BBOF1: variants seen among roughly 807,000 people sequenced by gnomAD.
The protein encoded by BBOF1 is basal body orientation factor 1, also known as basal body-orientation factor 1.
In BBOF1, 62 loss-of-function variants were observed where a neutral mutation model predicts 68.0. The ratio of observed to expected loss-of-function variants is 0.91; its 90% CI spans 0.74 to 1.13. The LOEUF is 1.13. Ranked by LOEUF, BBOF1 falls within the 50% of genes most tolerant of loss-of-function variation. The probability of loss-of-function intolerance (pLI) is 0.00; values close to 1 mark genes in which losing one functional copy is unlikely to be tolerated. For synonymous variants in BBOF1, 208 were observed against 198.8 expected (o/e 1.05, Z -0.39); for missense variants, 534 against 600.1 (o/e 0.89, Z 1.15).
intron 11 of BBOF1, chr14:74,057,584 C>T (rs1343588856): frequency 9.8e-6 from 13 of 1,329,324 alleles, no homozygotes; most frequent in Non-Finnish European, 1.3e-5. Flanking sequence ...CTTTCCATCA[C>T]AGGTGGGAAG....
intron 9 of BBOF1, among the ~76,000 whole-genome samples, chr14:74,077,453 A>C (rs543693753): frequency 2.0e-5 from 3 of 152,316 alleles, no homozygotes; most frequent in Admixed American, 6.5e-5. Flanking sequence ...GGGAAGTTCA[A>C]GGGAATGGCT....
chr14:74,037,529 G>A (rs532291682), intron 4 of BBOF1, among the ~76,000 whole-genome samples: 337 of 148,356 alleles, frequency 2.3e-3, no homozygotes, highest in African/African-American at 5.9e-3. Flanking sequence ...GGCTCAAGCA[G>A]TCTGCCTGCC....
At chr14:74,021,717 C>G (rs1414694977) in intron 1 of BBOF1, among the ~76,000 whole-genome samples, 1 of 152,090 alleles carries the variant, frequency 6.6e-6, no homozygotes, top group Non-Finnish European at 1.5e-5. Flanking sequence ...ACCATCCTGG[C>G]TAACACGGTG....
chr14:74,066,594 A>C, downstream of BBOF1: 7 of 1,114,424 alleles, frequency 6.3e-6, no homozygotes, highest in Non-Finnish European at 9.4e-6. Context: ...AATCCTGGCA[A>C]GAGATAAGGT....
At chr14:74,064,428 A>T (rs2060424802) in intron 11 of BBOF1, among the ~76,000 whole-genome samples, 1 of 152,174 alleles carries the variant, frequency 6.6e-6, no homozygotes, top group Non-Finnish European at 1.5e-5. Context: ...CTGGGGTCAC[A>T]CTACCCAGCA....
chr14:74,046,177 T>C, intron 6 of BBOF1, 47 bp downstream of exon 6: 1 of 1,461,116 alleles, frequency 6.8e-7, no homozygotes, highest in Non-Finnish European at 9.3e-7. Context: ...CTCTCTTACC[T>C]CTTTGCTGGT....
chr14:74,066,828 G>A, downstream of BBOF1: 1 of 1,614,054 alleles, frequency 6.2e-7, no homozygotes, highest in Non-Finnish European at 8.5e-7. Flanking sequence ...TCAGATTACA[G>A]ACTCGCTCTT....
intron 2 of BBOF1, among the ~76,000 whole-genome samples, chr14:74,025,116 G>C (rs1244918735): frequency 6.6e-6 from 1 of 152,004 alleles, no homozygotes; most frequent in African/African-American, 2.4e-5. Flanking sequence ...TTATTAAATT[G>C]CCCTCTATAA....
chr14:74,058,068 C>A, intron 11 of BBOF1: 1 of 286,888 alleles, frequency 3.5e-6, no homozygotes, highest in Non-Finnish European at 5.2e-6. Flanking sequence ...TGGTTCACGC[C>A]TGTAATCCCA....
chr14:74,051,728 A>T (rs1415093818), intron 8 of BBOF1, among the ~76,000 whole-genome samples: 1 of 151,644 alleles, frequency 6.6e-6, no homozygotes, highest in Admixed American at 6.6e-5. Flanking sequence ...TCTGAAAGAA[A>T]ATTATTTTAT....
At chr14:74,047,462 G>A (rs1438901099) in intron 6 of BBOF1, among the ~76,000 whole-genome samples, 3 of 148,484 alleles carry the variant, frequency 2.0e-5, no homozygotes, top group Admixed American at 1.3e-4. Context: ...ACAGGGTCTC[G>A]CTCTGTCACC....
At chr14:74,047,272 G>C (rs1447722520) in intron 6 of BBOF1, among the ~76,000 whole-genome samples, 9 of 152,038 alleles carry the variant, frequency 5.9e-5, no homozygotes, top group Non-Finnish European at 1.2e-4. Context: ...GGATGATTCA[G>C]GAACCTGGCT....
rs1172191738 is a variant in BBOF1, at chr14:74,074,133, C to T, written n.1380-4063C>T. ...CCAGGCAGCTGGGACCATAGGTACG[C>T]ACCACCACGCCTGGCTAATTTTTTG... On this transcript the variant is annotated intron_variant and non_coding_transcript_variant, in intron 9 of 12. Transcript: ENST00000492026. 3.3e-5 allele frequency among the ~76,000 whole-genome samples: 5 copies of T among 151,444 alleles called. No homozygotes were observed. In the South Asian group the frequency reaches 6.3e-4, roughly 19 times the overall value.
Position 74,065,216 on chromosome 14 carries a change from C to A in BBOF1, c.*517C>A. ...TCCACCAAGTGGGCATATTTCCGAG[C>A]AGTGGCTCCATTGGTGGTGAAGATG... On this transcript the variant is annotated 3_prime_UTR_variant, in exon 12 of 12. Transcript: ENST00000394009. 1 of 1,614,162 alleles carries A rather than the reference C, an allele frequency of 6.2e-7. No individual in the cohort carries two copies.
chr14:74,064,784 CTTAAAGGAAA>C lies in BBOF1; in HGVS notation c.*86_*95del, dbSNP rs2060432309. 1.9e-6 allele frequency: 3 copies of C among 1,612,322 alleles called. No homozygotes were observed. The highest frequency in any genetic ancestry group is 4.5e-5 in the East Asian group (2 of 44,876). The stretch of plus-strand genomic sequence containing the variant: ...CTCCTGAATATCTTTAAGAAAATTT[CTTAAAGGAAA>C]AGACAAAAAATTTAACTCAAAAGTT... On this transcript the variant is annotated 3_prime_UTR_variant, in exon 12 of 12. Coordinates refer to ENST00000394009, the MANE Select transcript of BBOF1 (RefSeq NM_025057.3).
downstream of BBOF1, among the ~76,000 whole-genome samples, chr14:74,066,377 C>T (rs1440998729): frequency 1.3e-5 from 2 of 152,078 alleles, no homozygotes; most frequent in African/African-American, 2.4e-5. Flanking sequence ...CCATAAATAA[C>T]ATTTTTTTTG....
chr14:74,057,517 C>T, intron 11 of BBOF1: 1 of 1,369,228 alleles, frequency 7.3e-7, no homozygotes, highest in South Asian at 1.5e-5. Flanking sequence ...AACAGCCTAG[C>T]CAAAATGTGT....
At chr14:74,070,445 G>T (rs956396691), downstream of BBOF1, among the ~76,000 whole-genome samples, 5 of 152,040 alleles carry the variant, frequency 3.3e-5, no homozygotes, top group South Asian at 2.1e-4. Context: ...CTTGAACCTG[G>T]GAGGCAGCGG....
rs2059192607 is a variant in BBOF1 at position 74,019,405 on chromosome 14, T to G, written c.-74T>G. 6.6e-7 allele frequency: 1 copy of G among 1,523,766 alleles called. No homozygotes were observed. Among genetic ancestry groups the G allele is most frequent in the Non-Finnish European group, 8.8e-7 (1 of 1,134,276 alleles). 94.4% of individuals were successfully genotyped at this position (1,523,766 alleles called of 1,614,324 possible). A position where few individuals can be genotyped will look rare whatever the true frequency, so the allele number is the denominator to read the frequency against. On this transcript the variant is annotated 5_prime_UTR_variant, in exon 1 of 12. Coordinates refer to ENST00000394009, the MANE Select transcript of BBOF1 (RefSeq NM_025057.3). ...GGCATTGCCAGCTCGGCGTCCCGGT[T>G]CCCTTGGAGACAGAGCTGGCCAGGG... is the stretch of plus-strand genomic sequence containing the variant.
Sources: gnomAD v4.1 joint callset for allele counts (sites outside exome capture counted in the v4.1 genomes callset) on GRCh38, gnomAD v4.1.1 for gene constraint, MANE v1.5 for transcripts, NCBI Gene and HGNC (gene_info 2026-07-23, HGNC 2026-07-21) for gene names.